Variants in EFCAB8 observed in about 807,000 individuals in gnomAD.
The protein encoded by EFCAB8 is EF-hand calcium binding domain 8, also known as EF-hand calcium-binding domain-containing protein 8.
A neutral mutation model predicts 116.3 loss-of-function variants in EFCAB8; 100 were observed. The ratio of observed to expected loss-of-function variants is 0.86; its 90% CI spans 0.73 to 1.02. EFCAB8 has a LOEUF of 1.02. Ranked by LOEUF, EFCAB8 falls within the 50% of genes least tolerant of loss-of-function variation. The probability of loss-of-function intolerance (pLI) is 0.00; values close to 1 mark genes in which losing one functional copy is unlikely to be tolerated. For synonymous variants in EFCAB8, 558 were observed against 567.9 expected, an observed-to-expected ratio of 0.98 and a Z score of 0.25; for missense variants, 1,320 against 1,416.9, an observed-to-expected ratio of 0.93 and a Z score of 1.10.
At chr20:32,911,748 G>T in intron 16 of EFCAB8, 41 bp downstream of exon 16, 2 of 1,537,058 alleles carry the variant, frequency 1.3e-6, no homozygotes, top group South Asian at 2.4e-5. Flanking sequence ...ACGGCCTCTT[G>T]GGAAGCAAAG....
intron 11 of EFCAB8, among the ~76,000 whole-genome samples, chr20:32,904,661 T>G (rs1359688957): frequency 6.7e-6 from 1 of 149,794 alleles, no homozygotes; most frequent in Non-Finnish European, 1.5e-5. Context: ...AGTCTTTCTC[T>G]GTCACCCAGG....
chr20:32,863,946 A>G (rs928794415), intron 2 of EFCAB8, 112 bp downstream of exon 2: 3 of 1,207,108 alleles, frequency 2.5e-6, no homozygotes, highest in East Asian at 2.7e-5. Flanking sequence ...AGGGGGTTGC[A>G]TACTCAGATA....
intron 14 of EFCAB8, among the ~76,000 whole-genome samples, chr20:32,908,777 T>C (rs1297720709): frequency 2.0e-5 from 3 of 152,220 alleles, no homozygotes; most frequent in Admixed American, 2.0e-4. Context: ...GTCCTGTCGC[T>C]ATTACATGAC....
chr20:32,859,135 C>T (rs933550525), intron 1 of EFCAB8, 129 bp downstream of exon 1: 4 of 432,402 alleles, frequency 9.3e-6, no homozygotes, highest in Non-Finnish European at 1.9e-5. Context: ...ATGCATGTAT[C>T]CTTAAGTCAT....
At chr20:32,942,785 CAACGCATCTAGTATTCATTTGGGTGT>C (rs1207540062) in intron 22 of EFCAB8, among the ~76,000 whole-genome samples, 5 of 152,004 alleles carry the variant, frequency 3.3e-5, no homozygotes, top group Non-Finnish European at 7.4e-5. Flanking sequence ...ATAAAATCTT[CAACGCATCTAGTATTCATTTGGGTGT>C]AAGATAAAAG....
chr20:32,905,759 C>CAAAAAAAAAAAAAAAAAAAAAAAA, intron 11 of EFCAB8, among the ~76,000 whole-genome samples: 1 of 71,502 alleles, frequency 1.4e-5, no homozygotes, highest in Non-Finnish European at 2.8e-5. Flanking sequence ...GACTCCATCT[C>CAAAAAAAAAAAAAAAAAAAAAAAA]AAAAAAAAAA....
At chr20:32,879,802 C>A (rs558892640) in intron 5 of EFCAB8, among the ~76,000 whole-genome samples, 2 of 152,316 alleles carry the variant, frequency 1.3e-5, no homozygotes, top group South Asian at 4.1e-4. Flanking sequence ...GACAGTCCTT[C>A]CTGAACATAC....
At chr20:32,914,763 C>G (rs542738719) in intron 17 of EFCAB8, among the ~76,000 whole-genome samples, 3 of 152,296 alleles carry the variant, frequency 2.0e-5, no homozygotes, top group African/African-American at 7.2e-5. Flanking sequence ...CAGGTCCCTC[C>G]CTCAACATAT....
At chr20:32,945,277 T>A (rs1202631219) in intron 23 of EFCAB8, among the ~76,000 whole-genome samples, 1 of 152,102 alleles carries the variant, frequency 6.6e-6, no homozygotes, top group African/African-American at 2.4e-5. Flanking sequence ...TCCCACAGCC[T>A]CCTGAGTAGC....
chr20:32,930,260 T>C, intron 20 of EFCAB8, 138 bp from the exon 21 acceptor site: 1 of 676,320 alleles, frequency 1.5e-6, no homozygotes, highest in Non-Finnish European at 2.5e-6. Context: ...GGAGGAAGGG[T>C]GGGACCACCA....
chr20:32,897,623 G>C (rs1323768679), intron 10 of EFCAB8, among the ~76,000 whole-genome samples: 4 of 151,818 alleles, frequency 2.6e-5, no homozygotes, highest in Non-Finnish European at 1.5e-5. Context: ...CTTTTTTTGA[G>C]ACGGGGCCTC....
chr20:32,900,591 G>A (rs774043139), intron 11 of EFCAB8, among the ~76,000 whole-genome samples: 4 of 150,410 alleles, frequency 2.7e-5, no homozygotes, highest in South Asian at 2.1e-4. Flanking sequence ...TTTTTGTGAC[G>A]GAGTCTCACT....
intron 22 of EFCAB8, among the ~76,000 whole-genome samples, chr20:32,935,965 C>T (rs1053492374): frequency 6.6e-6 from 1 of 152,008 alleles, no homozygotes; most frequent in Non-Finnish European, 1.5e-5. Context: ...CCTTTCTGTC[C>T]AAAAGCTTTG....
intron 22 of EFCAB8, among the ~76,000 whole-genome samples, chr20:32,937,678 G>C (rs1009980388): frequency 6.6e-6 from 1 of 150,760 alleles, no homozygotes; most frequent in Non-Finnish European, 1.5e-5. Context: ...GAGTACAATG[G>C]TGTGATCTTG....
Position 32,906,553 on chromosome 20 carries a change from A to G in EFCAB8, c.1089-9A>G, listed in dbSNP as rs1447015952. 3 of 718,254 alleles carry G rather than the reference A, an allele frequency of 4.2e-6. No individual in the cohort carries two copies. Among genetic ancestry groups the G allele is most frequent in the Non-Finnish European group, 7.8e-6 (3 of 385,020 alleles). 44.5% of individuals were successfully genotyped at this position (718,254 alleles called of 1,614,324 possible). A position where few individuals can be genotyped will look rare whatever the true frequency, so the allele number is the denominator to read the frequency against. On this transcript the variant is annotated splice_polypyrimidine_tract_variant and intron_variant, in intron 11 of 26. Coordinates refer to ENST00000400522, the MANE Select transcript of EFCAB8 (RefSeq NM_001143967.2). ...CGGCCCTGCAGCCCTCACTCCTTTG[A>G]TATTGTAGGTTGTCAGTGCTGCGTT... is the stretch of plus-strand genomic sequence containing the variant.
chr20:32,938,206 A>G (rs1364415221), intron 22 of EFCAB8, among the ~76,000 whole-genome samples: 1 of 150,106 alleles, frequency 6.7e-6, no homozygotes, highest in Non-Finnish European at 1.5e-5. Flanking sequence ...ATAAAAAACA[A>G]AAGCCATATG....
At chr20:32,899,254 A>C (rs1299552786) in intron 11 of EFCAB8, among the ~76,000 whole-genome samples, 2 of 139,094 alleles carry the variant, frequency 1.4e-5, no homozygotes, top group Non-Finnish European at 3.2e-5. Flanking sequence ...TAATAATAAT[A>C]ATTAGCCGGG....
chr20:32,909,645 G>A (rs1986827790), intron 14 of EFCAB8, among the ~76,000 whole-genome samples, 176 bp from the exon 15 acceptor site: 1 of 152,134 alleles, frequency 6.6e-6, no homozygotes, highest in South Asian at 2.1e-4. Flanking sequence ...GGGCCATGGA[G>A]TAGGGTGGGG....
chr20:32,878,870 G>T (rs1033705310), intron 5 of EFCAB8, 63 bp downstream of exon 5: 43 of 1,380,518 alleles, frequency 3.1e-5, no homozygotes, highest in Non-Finnish European at 4.3e-5. Context: ...GTGCCAGCCT[G>T]CAGTGAGCCC....
Sources: gnomAD v4.1 joint callset for allele counts (sites outside exome capture counted in the v4.1 genomes callset) on GRCh38, gnomAD v4.1.1 for gene constraint, MANE v1.5 for transcripts, NCBI Gene and HGNC (gene_info 2026-07-23, HGNC 2026-07-21) for gene names.